Variants in STK33 observed in about 807,000 individuals in gnomAD.
STK33 encodes the protein serine/threonine-protein kinase 33.
In STK33, 52 loss-of-function variants were observed where a neutral mutation model predicts 58.0. That is an observed-to-expected ratio of 0.90 (90% confidence interval 0.72 to 1.13). STK33 has a LOEUF of 1.13. STK33 is among the 50% of genes most tolerant of loss of function. The pLI, the probability that STK33 is intolerant of heterozygous loss-of-function variation, is 0.00. For missense variants in STK33, 630 were observed against 604.2 expected (o/e 1.04, Z -0.45); for synonymous variants, 215 against 200.1 (o/e 1.07, Z -0.63).
chr11:8,349,151 C>T, the STK33 span, among the ~76,000 whole-genome samples: 1 of 152,202 alleles, frequency 6.6e-6, no homozygotes, highest in African/African-American at 2.4e-5. Flanking sequence ...TGACCTTAGA[C>T]ATGTTGGTTG....
At position 8,519,080 on chromosome 11, in the gene STK33, C is replaced by T. The variant is rs1953112909; in HGVS notation, c.-465-38466G>A. Among the ~76,000 whole-genome samples, 5 of 152,298 alleles carry T rather than the reference C, an allele frequency of 3.3e-5. No homozygotes were observed. In the South Asian group the frequency reaches 8.3e-4, roughly 25 times the overall value. ...ATCACAATTATTCCAAAATTGACCA[C>T]ATAGTTGGAAGTAAAGCACTCCTTA... is the stretch of plus-strand genomic sequence containing the variant. On this transcript the variant is annotated intron_variant, in intron 1 of 15. Coordinates refer to ENST00000687296, the MANE Select transcript of STK33 (RefSeq NM_001352389.2).
chr11:8,386,759 T>C, the STK33 span, among the ~76,000 whole-genome samples: 11 of 152,286 alleles, frequency 7.2e-5, no homozygotes, highest in African/African-American at 2.6e-4. Context: ...TGGCAAAAGC[T>C]AGAGGAATGC....
chr11:8,359,690 C>T, the STK33 span, among the ~76,000 whole-genome samples: 593 of 152,296 alleles, frequency 3.9e-3, 2 homozygotes, highest in African/African-American at 0.014. Flanking sequence ...CCCCCAGGGC[C>T]GGGACAGCAC....
intron 1 of STK33, among the ~76,000 whole-genome samples, chr11:8,555,686 TAAC>T (rs1956694304): frequency 6.6e-6 from 1 of 151,348 alleles, no homozygotes; most frequent in Non-Finnish European, 1.5e-5. Context: ...AAAATAAAAA[TAAC>T]AATAATAAAG....
intron 14 of STK33, among the ~76,000 whole-genome samples, chr11:8,418,525 G>A (rs763822520): frequency 2.0e-5 from 3 of 152,024 alleles, no homozygotes; most frequent in Non-Finnish European, 4.4e-5. Flanking sequence ...CTTTGCTATT[G>A]TGAATAGTGC....
At chr11:8,548,382 T>G (rs889230921) in intron 1 of STK33, among the ~76,000 whole-genome samples, 1 of 152,212 alleles carries the variant, frequency 6.6e-6, no homozygotes, top group African/African-American at 2.4e-5. Context: ...CCACAGTGTA[T>G]GTTTCTGGAG....
At chr11:8,509,453 G>C (rs1591543852) in intron 1 of STK33, among the ~76,000 whole-genome samples, 1 of 152,172 alleles carries the variant, frequency 6.6e-6, no homozygotes, top group African/African-American at 2.4e-5. Flanking sequence ...TTTTCCAGCA[G>C]ATCCTGAATC....
chr11:8,396,977 G>T (rs1264116975), intron 15 of STK33, among the ~76,000 whole-genome samples: 5 of 152,202 alleles, frequency 3.3e-5, no homozygotes, highest in African/African-American at 1.2e-4. Flanking sequence ...GCTCGAACTG[G>T]GTGGAGCCCA....
At chr11:8,589,585 T>C (rs1466768245) in intron 1 of STK33, among the ~76,000 whole-genome samples, 1 of 152,186 alleles carries the variant, frequency 6.6e-6, no homozygotes, top group Non-Finnish European at 1.5e-5. Context: ...ATAGTAGTTA[T>C]GATTGCTAGT....
At chr11:8,516,176 A>C (rs1464437205) in intron 1 of STK33, among the ~76,000 whole-genome samples, 1 of 152,254 alleles carries the variant, frequency 6.6e-6, no homozygotes, top group African/African-American at 2.4e-5. Flanking sequence ...AGCTACAGTA[A>C]TCAAGAATAT....
chr11:8,367,323 T>C, the STK33 span, among the ~76,000 whole-genome samples: 5 of 152,242 alleles, frequency 3.3e-5, no homozygotes, highest in Non-Finnish European at 7.3e-5. Flanking sequence ...TGCGTGGGTA[T>C]ACATTGTGTA....
intron 14 of STK33, among the ~76,000 whole-genome samples, chr11:8,421,046 T>C (rs981493565): frequency 6.6e-6 from 1 of 152,062 alleles, no homozygotes; most frequent in Non-Finnish European, 1.5e-5. Flanking sequence ...CATAATATTA[T>C]TCCTTTTTTG....
the STK33 span, among the ~76,000 whole-genome samples, chr11:8,336,314 C>T: frequency 1.7e-4 from 26 of 152,326 alleles, 1 homozygote; most frequent in East Asian, 2.3e-3. Context: ...GTTCCCACCC[C>T]GGAGGAGCCT....
intron 11 of STK33, among the ~76,000 whole-genome samples, chr11:8,451,964 A>G (rs551715612): frequency 6.6e-6 from 1 of 152,304 alleles, no homozygotes; most frequent in African/African-American, 2.4e-5. Flanking sequence ...CAACACTGGG[A>G]GGCCAAGGCA....
intron 1 of STK33, among the ~76,000 whole-genome samples, chr11:8,560,564 A>G (rs564653868): frequency 3.9e-5 from 6 of 152,266 alleles, no homozygotes; most frequent in African/African-American, 1.4e-4. Flanking sequence ...TTTAGTTTTT[A>G]TGAAATCAAA....
chr11:8,420,645 A>G (rs989378274), intron 14 of STK33, among the ~76,000 whole-genome samples: 1 of 152,152 alleles, frequency 6.6e-6, no homozygotes, highest in African/African-American at 2.4e-5. Context: ...GAATCTTGTG[A>G]TTAACATTCC....
intron 7 of STK33, among the ~76,000 whole-genome samples, chr11:8,462,270 T>C (rs545869303): frequency 6.6e-6 from 1 of 152,088 alleles, no homozygotes; most frequent in African/African-American, 2.4e-5. Flanking sequence ...TTTAAAAATA[T>C]GTTGATCCCT....
intron 11 of STK33, among the ~76,000 whole-genome samples, chr11:8,443,481 A>G (rs1412999785): frequency 6.6e-6 from 1 of 152,196 alleles, no homozygotes. Context: ...CATTTCAAAC[A>G]CATCTCAACC....
At chr11:8,563,416 CCAT>C (rs1442506782) in intron 1 of STK33, among the ~76,000 whole-genome samples, 1 of 152,160 alleles carries the variant, frequency 6.6e-6, no homozygotes, top group Non-Finnish European at 1.5e-5. Flanking sequence ...CCTATAACCA[CCAT>C]GACACAAAAT....
Sources: gnomAD v4.1 joint callset for allele counts (sites outside exome capture counted in the v4.1 genomes callset) on GRCh38, gnomAD v4.1.1 for gene constraint, MANE v1.5 for transcripts, NCBI Gene and HGNC (gene_info 2026-07-23, HGNC 2026-07-21) for gene names.